The following CACNB4 variants were observed in gnomAD, a reference collection of about 807,000 sequenced individuals.
CACNB4 encodes the protein voltage-dependent L-type calcium channel subunit beta-4.
In CACNB4, 32 loss-of-function variants were observed where a neutral mutation model predicts 71.2. The ratio of observed to expected loss-of-function variants is 0.45; its 90% CI spans 0.34 to 0.60. CACNB4 has a LOEUF of 0.60. Ranked by LOEUF, CACNB4 falls within the 20% of genes least tolerant of loss-of-function variation. The pLI is 0.01. For synonymous variants in CACNB4, 231 were observed against 236.9 expected (o/e 0.97, Z 0.23); for missense variants, 464 against 647.9 (o/e 0.72, Z 3.08).
At chr2:152,006,398 TTTC>T (rs1477587990) in intron 2 of CACNB4, among the ~76,000 whole-genome samples, 5 of 91,408 alleles carry the variant, frequency 5.5e-5, no homozygotes, top group South Asian at 5.6e-4. Flanking sequence ...TTTTCTTTTC[TTTC>T]TTTTTTTTTT....
chr2:151,971,644 C>G (rs1421267781), intron 2 of CACNB4: 1 of 702,558 alleles, frequency 1.4e-6, no homozygotes, highest in Non-Finnish European at 2.6e-6. Flanking sequence ...TAGGCCTAGT[C>G]TTCTCCATTG....
intron 2 of CACNB4, among the ~76,000 whole-genome samples, chr2:152,070,348 T>A (rs1244194888): frequency 3.3e-5 from 5 of 152,196 alleles, no homozygotes; most frequent in Non-Finnish European, 2.9e-5. Flanking sequence ...CTTTTCATGC[T>A]TTATTAGTGT....
chr2:152,034,881 A>C (rs952799362), intron 2 of CACNB4, among the ~76,000 whole-genome samples: 5 of 152,220 alleles, frequency 3.3e-5, no homozygotes, highest in Non-Finnish European at 2.9e-5. Flanking sequence ...TTCTATTCTC[A>C]GTGGCATCTA....
At chr2:151,954,572 T>C (rs1335035734) in intron 2 of CACNB4, among the ~76,000 whole-genome samples, 3 of 152,188 alleles carry the variant, frequency 2.0e-5, no homozygotes, top group African/African-American at 7.2e-5. Flanking sequence ...GAAAGTTCAT[T>C]TGCGGGGTTC....
intron 12 of CACNB4, among the ~76,000 whole-genome samples, chr2:151,845,003 C>A (rs948687598): frequency 1.3e-5 from 2 of 152,198 alleles, no homozygotes; most frequent in Non-Finnish European, 2.9e-5. Flanking sequence ...CCGGATGGGT[C>A]CTGACATTCA....
intron 2 of CACNB4, among the ~76,000 whole-genome samples, chr2:151,964,086 A>AT (rs2099870404): frequency 1.3e-5 from 2 of 151,702 alleles, no homozygotes; most frequent in Non-Finnish European, 2.9e-5. Context: ...AAAAAAAAAA[A>AT]AAAAGAATGT....
At chr2:151,873,292 A>C (rs934527145) in intron 5 of CACNB4, 12 of 152,202 alleles carry the variant, frequency 7.9e-5, no homozygotes, top group Non-Finnish European at 1.3e-4. Flanking sequence ...GGGAGCAGAA[A>C]TGTTTTGGAT....
At chr2:151,891,112 T>C (rs894444308) in intron 2 of CACNB4, among the ~76,000 whole-genome samples, 2 of 152,164 alleles carry the variant, frequency 1.3e-5, no homozygotes, top group African/African-American at 2.4e-5. Context: ...TTTTACATAA[T>C]TGATTTAACA....
intron 2 of CACNB4, among the ~76,000 whole-genome samples, chr2:151,912,565 C>G (rs2151541020): frequency 6.6e-6 from 1 of 152,098 alleles, no homozygotes; most frequent in Middle Eastern, 3.4e-3. Context: ...TTTGCATTTG[C>G]TGAAGTGTTT....
intron 2 of CACNB4, among the ~76,000 whole-genome samples, chr2:151,943,264 G>A (rs747216517): frequency 6.6e-5 from 10 of 152,180 alleles, no homozygotes; most frequent in East Asian, 1.9e-4. Flanking sequence ...AAGAACCTAC[G>A]TTGAAATATT....
chr2:151,859,249 C>T (rs72997428), intron 10 of CACNB4: 2 of 152,198 alleles, frequency 1.3e-5, no homozygotes, highest in South Asian at 4.1e-4. Context: ...CCCCCATCCA[C>T]CCCACTGACT....
At position 151,922,664 on chromosome 2, in the gene CACNB4, T is replaced by C. The variant is rs548952177; in HGVS notation, c.148-39294A>G. Among the ~76,000 whole-genome samples, 25 of 152,294 alleles carry C rather than the reference T, an allele frequency of 1.6e-4. No homozygotes were observed. The South Asian group carries it at 4.6e-3, about 28-fold the overall frequency. Reference sequence around the variant, plus strand: ...CAGGGGCTTATATGATTCATGACATTTCCAGTATCAGATCTTTGGCATGTA... The same window carrying C: ...CAGGGGCTTATATGATTCATGACATCTCCAGTATCAGATCTTTGGCATGTA... On this transcript the variant is annotated intron_variant, in intron 2 of 13. Transcript: ENST00000539935.
At chr2:152,035,653 A>ATATG (rs1560150549) in intron 2 of CACNB4, among the ~76,000 whole-genome samples, 3 of 50,250 alleles carry the variant, frequency 6.0e-5, no homozygotes, top group African/African-American at 1.4e-4. Context: ...CTCTCTCTCT[A>ATATG]TATATATATA....
rs552093496 is a variant in CACNB4, at chr2:151,883,341, C to T, written c.177G>A (p.Pro59=). Residue 59 remains proline (P), a synonymous_variant, in exon 3 of 14, where the codon CCG becomes CCA. Transcript: ENST00000539935. ...QGSADSYTSR[P]SDSDVSLEED... ...CTTCCAAAGAGACATCGGAGTCAGA[C>T]GGCCTGCTTGTGTAGGAATCCGCTG... 2.8e-5 allele frequency: 45 copies of T among 1,613,756 alleles called. No individual in the cohort carries two copies. The Middle Eastern group carries it at 4.9e-4, about 18-fold the overall frequency.
At chr2:151,887,393 C>T (rs913662932) in intron 2 of CACNB4, among the ~76,000 whole-genome samples, 2 of 150,286 alleles carry the variant, frequency 1.3e-5, no homozygotes, top group Non-Finnish European at 2.9e-5. Flanking sequence ...GGTCACAGCA[C>T]AGCACTCCAG....
intron 2 of CACNB4, among the ~76,000 whole-genome samples, chr2:151,897,302 A>C (rs2151493714): frequency 6.6e-6 from 1 of 152,316 alleles, no homozygotes; most frequent in East Asian, 1.9e-4. Context: ...ATGTCAGCCT[A>C]GTGCCAGGAA....
intron 2 of CACNB4, among the ~76,000 whole-genome samples, chr2:152,080,725 G>T (rs1687317561): frequency 6.6e-6 from 1 of 152,106 alleles, no homozygotes; most frequent in African/African-American, 2.4e-5. Context: ...ATGTTGAAAT[G>T]TGATCCCCAA....
intron 2 of CACNB4, chr2:151,883,683 C>G (rs775045032): frequency 2.8e-6 from 1 of 358,988 alleles, no homozygotes; most frequent in South Asian, 2.5e-5. Flanking sequence ...ACTTGTGAAA[C>G]GTTAGTTTTC....
intron 2 of CACNB4, among the ~76,000 whole-genome samples, chr2:151,943,386 T>C (rs894519643): frequency 6.6e-6 from 1 of 152,130 alleles, no homozygotes; most frequent in Non-Finnish European, 1.5e-5. Flanking sequence ...AAATTTAGGG[T>C]TGACCATGAC....
Sources: gnomAD v4.1 joint callset for allele counts (sites outside exome capture counted in the v4.1 genomes callset) on GRCh38, gnomAD v4.1.1 for gene constraint, MANE v1.5 for transcripts, NCBI Gene and HGNC (gene_info 2026-07-23, HGNC 2026-07-21) for gene names.